The following CDH26 variants were observed in gnomAD, a reference collection of about 807,000 sequenced individuals.
CDH26 encodes the protein cadherin 26.
In CDH26, 83 loss-of-function variants were observed where a neutral mutation model predicts 90.3. The ratio of observed to expected loss-of-function variants is 0.92; its 90% CI spans 0.77 to 1.10. The LOEUF is 1.10. CDH26 is among the 50% of genes least tolerant of loss of function. CDH26 has a pLI of 0.00. For synonymous variants in CDH26, 397 were observed against 396.3 expected (o/e 1.00, Z -0.02); for missense variants, 1,013 against 1,037.6 (o/e 0.98, Z 0.33).
At chr20:60,016,193 T>C (rs1223188205), downstream of CDH26, among the ~76,000 whole-genome samples, 1 of 152,194 alleles carries the variant, frequency 6.6e-6, no homozygotes, top group Non-Finnish European at 1.5e-5. Flanking sequence ...TTGCATTGAA[T>C]CTGTAGATTG....
At chr20:59,971,783 C>T (rs2061263992) in intron 3 of CDH26, among the ~76,000 whole-genome samples, 179 bp from the exon 4 acceptor site, 1 of 152,202 alleles carries the variant, frequency 6.6e-6, no homozygotes, top group Admixed American at 6.5e-5. Context: ...CAAACTGAAG[C>T]TAACAGTTCA....
At chr20:59,986,877 T>C (rs1200416614) in intron 7 of CDH26, among the ~76,000 whole-genome samples, 1 of 152,176 alleles carries the variant, frequency 6.6e-6, no homozygotes, top group Admixed American at 6.5e-5. Flanking sequence ...CAAAATAATA[T>C]TATGCTTGAA....
chr20:59,996,789 A>G (rs746688525), intron 13 of CDH26, 28 bp downstream of exon 13: 2 of 1,614,016 alleles, frequency 1.2e-6, no homozygotes, highest in Admixed American at 3.3e-5. Context: ...TTTGTGTCTT[A>G]TGGCAAGGAA....
intron 9 of CDH26, among the ~76,000 whole-genome samples, chr20:59,989,807 T>A (rs573869946): frequency 3.3e-5 from 5 of 152,254 alleles, no homozygotes; most frequent in Non-Finnish European, 7.3e-5. Context: ...CCAGAAGTTA[T>A]AAACCAGTAC....
intron 16 of CDH26, among the ~76,000 whole-genome samples, chr20:60,005,489 T>C (rs1442044479): frequency 1.3e-5 from 2 of 151,444 alleles, no homozygotes; most frequent in Non-Finnish European, 2.9e-5. Flanking sequence ...TGTATGTATG[T>C]ATGTATGTAT....
intron 2 of CDH26, 89 bp downstream of exon 2, chr20:59,969,112 C>A: frequency 1.3e-6 from 1 of 777,530 alleles, no homozygotes; most frequent in Non-Finnish European, 2.2e-6. Context: ...TTCTTTAGTG[C>A]CCTGCCAATG....
chr20:60,034,609 C>T (rs1268890555), downstream of CDH26, among the ~76,000 whole-genome samples: 2 of 152,208 alleles, frequency 1.3e-5, no homozygotes, highest in African/African-American at 4.8e-5. Context: ...AGTGTGGGCG[C>T]CAGGGCCCCC....
chr20:59,967,813 A>ATTTCTTTCTTTCTTTCTTTC (rs1204879152), intron 1 of CDH26, among the ~76,000 whole-genome samples: 1 of 44,042 alleles, frequency 2.3e-5, no homozygotes, highest in Admixed American at 3.0e-4. Context: ...TCCCTCCCTC[A>ATTTCTTTCTTTCTTTCTTTC]TTTCTTTCTT....
At chr20:59,966,146 C>T (rs2061145116) in intron 1 of CDH26, among the ~76,000 whole-genome samples, 2 of 147,006 alleles carry the variant, frequency 1.4e-5, no homozygotes, top group South Asian at 4.3e-4. Context: ...TCACTTTGTT[C>T]ATCATCAAGG....
At chr20:60,001,260 G>C (rs2061673189) in intron 14 of CDH26, 83 bp from the exon 15 acceptor site, 22 of 1,526,326 alleles carry the variant, frequency 1.4e-5, no homozygotes, top group Non-Finnish European at 1.7e-5. Context: ...AAGGGGAAGT[G>C]GTGAGAGGTC....
In CDH26 at chr20:59,992,631, T is replaced by G; in HGVS notation, c.1426+111T>G. Reference sequence around the variant, plus strand: ...AGCAGAGAAAAGGATAAAATAAACCTTGTTATCACTCTGCATCCATGCTGG... The same window carrying G: ...AGCAGAGAAAAGGATAAAATAAACCGTGTTATCACTCTGCATCCATGCTGG... On this transcript the variant is annotated intron_variant, in intron 10 of 17. Coordinates refer to ENST00000348616, the MANE Select transcript of CDH26 (RefSeq NM_177980.4). This position sits in a 1 kb window ranked among gnomAD's most constrained non-coding sequence, Gnocchi z 5.0. 1 of 1,067,814 alleles carries G rather than the reference T, an allele frequency of 9.4e-7. No homozygotes were observed. Among genetic ancestry groups the G allele is most frequent in the Non-Finnish European group, 1.4e-6 (1 of 723,974 alleles). The allele number at this position is 1,067,814 out of a possible 1,614,324, so 66.1% of individuals were successfully genotyped here.
intron 17 of CDH26, among the ~76,000 whole-genome samples, chr20:60,010,786 G>C (rs2061826124): frequency 6.6e-6 from 1 of 151,962 alleles, no homozygotes; most frequent in East Asian, 1.9e-4. Context: ...CCCAGAGCAG[G>C]GTGGCTTAAT....
chr20:59,994,458 G>A lies in CDH26; in HGVS notation c.1635G>A (p.Ala545=). 3.1e-6 allele frequency: 5 copies of A among 1,614,134 alleles called. No individual in the cohort carries two copies. Among genetic ancestry groups the A allele is most frequent in the Non-Finnish European group, 3.4e-6 (4 of 1,180,014 alleles). Residue 545 remains alanine (A), a synonymous_variant, in exon 11 of 18, where the codon GCG becomes GCA. Transcript: ENST00000348616. ...TFELDNTWGN[A]EDTWKLGRNW... ...AATTGGACAATACCTGGGGAAATGCGGAGGACACATGGAAGTTGGGGAGAA... is the reference window on the plus strand; with the variant it reads ...AATTGGACAATACCTGGGGAAATGCAGAGGACACATGGAAGTTGGGGAGAA...
intron 1 of CDH26, among the ~76,000 whole-genome samples, chr20:59,964,482 T>G (rs914735501): frequency 1.3e-5 from 2 of 149,560 alleles, no homozygotes; most frequent in Non-Finnish European, 3.0e-5. Context: ...GAAAGCATTA[T>G]GTAAATCTTT....
chr20:59,982,856 A>G lies in CDH26; in HGVS notation c.394-67A>G, dbSNP rs540152059. ...AGACGTAACACATAATTAGGATAACAGTTATTTTATTAGAGTGTCATCGAG... is the reference window on the plus strand; with the variant it reads ...AGACGTAACACATAATTAGGATAACGGTTATTTTATTAGAGTGTCATCGAG... On this transcript the variant is annotated intron_variant, in intron 4 of 17. Coordinates refer to ENST00000348616, the MANE Select transcript of CDH26 (RefSeq NM_177980.4). The G allele has an allele frequency of 1.9e-6, 3 of 1,546,996 alleles. No homozygotes were observed. The South Asian group carries it at 3.5e-5, about 18-fold the overall frequency.
intron 1 of CDH26, among the ~76,000 whole-genome samples, chr20:59,961,223 A>G (rs1264817535): frequency 1.3e-5 from 2 of 152,084 alleles, no homozygotes; most frequent in Non-Finnish European, 2.9e-5. Context: ...ATCAGGAAAC[A>G]GACCTGAATT....
In CDH26 at chr20:59,987,599, T is replaced by A; in HGVS notation, c.984T>A (p.Thr328=). ...AAGAGGGGCATTTTGACATTTCGAC[T>A]GACCCTGAGACCAACGAAGGGATAT... is the stretch of plus-strand genomic sequence containing the variant. ...GNEEGHFDIS[T]DPETNEGILN... Residue 328 remains threonine, a synonymous_variant, in exon 8 of 18, where the codon ACT becomes ACA. Coordinates refer to ENST00000348616, the MANE Select transcript of CDH26 (RefSeq NM_177980.4). 3 of 1,613,880 alleles carry A rather than the reference T, an allele frequency of 1.9e-6. No individual in the cohort carries two copies. The highest frequency in any genetic ancestry group is 2.5e-6 in the Non-Finnish European group (3 of 1,179,916).
intron 4 of CDH26, among the ~76,000 whole-genome samples, chr20:59,977,062 A>G (rs1014707457): frequency 6.6e-6 from 1 of 152,090 alleles, no homozygotes; most frequent in African/African-American, 2.4e-5. Context: ...TCCAAGCTGA[A>G]GGTGAAATAG....
At chr20:59,984,591 A>T (rs1294110761) in intron 5 of CDH26, 48 bp from the exon 6 acceptor site, 3 of 1,512,462 alleles carry the variant, frequency 2.0e-6, no homozygotes, top group Non-Finnish European at 2.7e-6. Context: ...TACTGGTTTG[A>T]TAGGCTACCT....
Sources: allele counts gnomAD v4.1 joint callset (sites outside exome capture counted in the v4.1 genomes callset), GRCh38; gene constraint gnomAD v4.1.1; non-coding constraint Gnocchi (gnomAD v3.1); transcripts MANE v1.5; gene names NCBI Gene and HGNC (gene_info 2026-07-23, HGNC 2026-07-21).